Variants in SEMA4D observed in about 807,000 individuals in gnomAD.
SEMA4D encodes semaphorin-4D.
SEMA4D carries 22 observed loss-of-function variants against 74.8 expected under a neutral mutation model. That is an observed-to-expected ratio of 0.29 (90% CI 0.21 to 0.42). The LOEUF (loss-of-function observed/expected upper bound fraction) is 0.42. Among genes scored for constraint, SEMA4D ranks in the 10% least tolerant of loss-of-function variants. The pLI is 1.00. For missense variants in SEMA4D, 937 were observed against 1,118.4 expected, an observed-to-expected ratio of 0.84 and a Z score of 2.31; for synonymous variants, 445 against 463.7, an observed-to-expected ratio of 0.96 and a Z score of 0.52.
exon 19 of SEMA4D, chr9:89,362,229 C>T (rs909006236): frequency 9.0e-7 from 1 of 1,116,660 alleles, no homozygotes; most frequent in Non-Finnish European, 1.3e-6. Context: ...CCAGGCTTCT[C>T]CACTGTCCCG....
At chr9:89,490,108 CTAATGATG>C (rs1825512586) in intron 1 of SEMA4D, among the ~76,000 whole-genome samples, 5 of 151,698 alleles carry the variant, frequency 3.3e-5, no homozygotes, top group Middle Eastern at 3.4e-3. Flanking sequence ...TCCCTAACAA[CTAATGATG>C]TTAAGCACCT....
chr9:89,463,516 T>C (rs909861685), intron 1 of SEMA4D, among the ~76,000 whole-genome samples: 3 of 152,238 alleles, frequency 2.0e-5, no homozygotes, highest in African/African-American at 7.2e-5. Context: ...ATCCAGGTCA[T>C]GACCAGCCCT....
rs1220064735 is a variant in SEMA4D, at chr9:89,388,758, T to G, written c.985A>C (p.Asn329His). Residue 329 changes from asparagine to histidine, a missense_variant, in exon 11 of 16, where the codon AAC (asparagine) becomes CAC (histidine). Transcript: ENST00000422704. ...NVGLSAVCAY[N>H]LSTAEEVFSH... Reference sequence around the variant, plus strand: ...AAGACCTCCTCGGCTGTGGACAGGTTGTAGGCGCACACTGCCGACAGCCCC... The same window carrying G: ...AAGACCTCCTCGGCTGTGGACAGGTGGTAGGCGCACACTGCCGACAGCCCC... The G allele has an allele frequency of 1.2e-6, 2 of 1,609,988 alleles. No individual in the cohort carries two copies. Among genetic ancestry groups the G allele is most frequent in the Non-Finnish European group, 1.7e-6 (2 of 1,177,826 alleles).
intron 1 of SEMA4D, among the ~76,000 whole-genome samples, chr9:89,465,261 A>G (rs774150891): frequency 2.6e-5 from 4 of 152,206 alleles, no homozygotes; most frequent in Admixed American, 6.5e-5. Flanking sequence ...GAGGGGCCTA[A>G]GTCCCCAGGA....
At chr9:89,472,956 C>T (rs1258073679) in intron 1 of SEMA4D, among the ~76,000 whole-genome samples, 1 of 152,060 alleles carries the variant, frequency 6.6e-6, no homozygotes, top group African/African-American at 2.4e-5. Context: ...ATTAGCCAGG[C>T]ATGGTGGCAC....
rs556159324 is a variant in SEMA4D, at chr9:89,447,570, G to A, written c.-244+8318C>T. 2.1e-3 allele frequency among the ~76,000 whole-genome samples: 323 copies of A among 151,966 alleles called. 1 individual carries two copies. Among genetic ancestry groups the A allele is most frequent in the South Asian group, 0.014 (66 of 4,794 alleles). On this transcript the variant is annotated intron_variant, in intron 2 of 15. Transcript: ENST00000422704. ...CCTCTGGGTCCACCTTCAAATAAGC[G>A]CTGAAGGGAGCCACTCCTCATCGAC...
chr9:89,381,433 G>C lies in SEMA4D; in HGVS notation c.1447-87C>G. On this transcript the variant is annotated intron_variant, in intron 13 of 15. Transcript: ENST00000422704. The surrounding 1 kb of genome is among the most constrained non-coding windows in gnomAD (Gnocchi z 4.6). ...CTGCTTCTGCACCAGTGTGTGGGAA[G>C]CAGCCAGAGTGTACCTTCAGGGGAC... 1 of 1,305,618 alleles carries C rather than the reference G, an allele frequency of 7.7e-7. No homozygotes were observed. Among genetic ancestry groups the C allele is most frequent in the Non-Finnish European group, 1.0e-6 (1 of 971,436 alleles). 80.9% of individuals were successfully genotyped at this position (1,305,618 alleles called of 1,614,324 possible). A position where few individuals can be genotyped will look rare whatever the true frequency, so the allele number is the denominator to read the frequency against.
intron 2 of SEMA4D, chr9:89,449,608 C>T (rs2135383503): frequency 2.9e-6 from 3 of 1,045,214 alleles, no homozygotes; most frequent in Middle Eastern, 3.0e-4. Context: ...AGGACCTGGT[C>T]GTGACCAACT....
At chr9:89,406,224 T>C (rs991848300) in intron 2 of SEMA4D, among the ~76,000 whole-genome samples, 38 of 152,204 alleles carry the variant, frequency 2.5e-4, no homozygotes, top group Non-Finnish European at 3.7e-4. Context: ...CACACACACA[T>C]GCACGGATGT....
At chr9:89,363,632 C>T (rs1326779453) in intron 17 of SEMA4D, 1 of 1,590,940 alleles carries the variant, frequency 6.3e-7, no homozygotes, top group Non-Finnish European at 8.6e-7. Context: ...AAACCCAAAC[C>T]CAGAATGCCA....
Position 89,423,458 on chromosome 9 carries a change from G to T in SEMA4D, c.-243-17759C>A, listed in dbSNP as rs192824420. On this transcript the variant is annotated intron_variant, in intron 2 of 15. Transcript: ENST00000422704. Reference sequence around the variant, plus strand: ...GTCCACCTCGGCCTCTCAAAGTGCTGGGATTATAGGCATGAGCCACTGTGT... The same window carrying T: ...GTCCACCTCGGCCTCTCAAAGTGCTTGGATTATAGGCATGAGCCACTGTGT... 2.6e-5 allele frequency among the ~76,000 whole-genome samples: 4 copies of T among 152,220 alleles called. No individual in the cohort carries two copies. The East Asian group carries it at 7.7e-4, about 29-fold the overall frequency.
At chr9:89,375,364 G>A (rs993059860), downstream of SEMA4D, among the ~76,000 whole-genome samples, 8 of 152,184 alleles carry the variant, frequency 5.3e-5, no homozygotes, top group Admixed American at 3.9e-4. Flanking sequence ...CCCAGTGGAG[G>A]GCAGGAACCA....
chr9:89,483,927 C>T (rs1212603841), intron 1 of SEMA4D, among the ~76,000 whole-genome samples: 1 of 152,250 alleles, frequency 6.6e-6, no homozygotes, highest in Non-Finnish European at 1.5e-5. Context: ...TGGTTTCAAA[C>T]ATAACACTGA....
At position 89,378,609 on chromosome 9, in the gene SEMA4D, C is replaced by A; in HGVS notation, c.*95G>T. ...ACGATGCGGGCTAACCTACGCAGCA[C>A]TGCACGAGACTCGGATACTGAACAG... is the stretch of plus-strand genomic sequence containing the variant. On this transcript the variant is annotated 3_prime_UTR_variant, in exon 16 of 16. Coordinates refer to ENST00000422704, the MANE Select transcript of SEMA4D (RefSeq NM_001371194.2). The A allele has an allele frequency of 1.1e-6, 1 of 918,158 alleles. No homozygotes were observed. Among genetic ancestry groups the A allele is most frequent in the Non-Finnish European group, 1.7e-6 (1 of 584,710 alleles). 56.9% of individuals were successfully genotyped at this position (918,158 alleles called of 1,614,324 possible).
intron 2 of SEMA4D, among the ~76,000 whole-genome samples, chr9:89,444,462 G>A (rs572594227): frequency 1.3e-5 from 2 of 152,342 alleles, no homozygotes; most frequent in Admixed American, 1.3e-4. Flanking sequence ...CACGTGAAGA[G>A]ACAAGCAGGC....
chr9:89,377,005 G>C, downstream of SEMA4D: 1 of 1,546,084 alleles, frequency 6.5e-7, no homozygotes, highest in African/African-American at 1.4e-5. Flanking sequence ...GGCCCAGACA[G>C]GACAGGGAAG....
At position 89,378,893 on chromosome 9, in the gene SEMA4D, G is replaced by A. The variant is rs754827390; in HGVS notation, c.2400C>T (p.Ser800=). ...GCTTGGGGTGCTCCCCATTCTGCTG[G>A]GAGAAGCTCCCTGGCTCTACTAACG... The part of the protein sequence containing the change: ...KETLVEPGSF[S]QQNGEHPKPA... The change falls in exon 16 of 16, where the codon TCC becomes TCT. Residue 800 remains serine (S), a synonymous_variant. Coordinates refer to ENST00000422704, the MANE Select transcript of SEMA4D (RefSeq NM_001371194.2). 1.2e-4 allele frequency: 193 copies of A among 1,614,074 alleles called. No individual in the cohort carries two copies. The highest frequency in any genetic ancestry group is 1.4e-4 in the Non-Finnish European group (170 of 1,180,050).
At chr9:89,425,300 G>A (rs1333274913) in intron 2 of SEMA4D, among the ~76,000 whole-genome samples, 1 of 152,178 alleles carries the variant, frequency 6.6e-6, no homozygotes, top group East Asian at 1.9e-4. Context: ...CGAAGGCCAG[G>A]GCAACCTCAG....
chr9:89,362,237 C>A lies in SEMA4D; in HGVS notation c.*165G>T, dbSNP rs943129554. On this transcript the variant is annotated 3_prime_UTR_variant, in exon 19 of 19. Coordinates refer to the SEMA4D transcript ENST00000339861. ...TTGGGTTCCAGGCTTCTCCACTGTCCCGCCTCTGCCCATCAGGTGGTGGCC... is the reference window on the plus strand; with the variant it reads ...TTGGGTTCCAGGCTTCTCCACTGTCACGCCTCTGCCCATCAGGTGGTGGCC... The A allele has an allele frequency of 4.1e-6, 5 of 1,209,234 alleles. No homozygotes were observed. In the South Asian group the frequency reaches 6.5e-5, roughly 16 times the overall value. The allele number at this position is 1,209,234 out of a possible 1,614,324, so 74.9% of individuals were successfully genotyped here. A position where few individuals can be genotyped will look rare whatever the true frequency, so the allele number is the denominator to read the frequency against.
Sources: gnomAD v4.1 joint callset for allele counts (sites outside exome capture counted in the v4.1 genomes callset) on GRCh38, gnomAD v4.1.1 for gene constraint, Gnocchi (gnomAD v3.1) non-coding constraint, MANE v1.5 for transcripts, NCBI Gene and HGNC (gene_info 2026-07-23, HGNC 2026-07-21) for gene names.